OR2L13: variants seen among roughly 807,000 people sequenced by gnomAD.
The protein encoded by OR2L13 is olfactory receptor family 2 subfamily L member 13, also known as olfactory receptor 2L13.
Under a neutral mutation model 15.3 loss-of-function variants are expected in OR2L13, and 14 were observed. That is an observed-to-expected ratio of 0.91 (90% CI 0.60 to 1.43). The LOEUF (loss-of-function observed/expected upper bound fraction) is 1.43, where lower values mean the gene tolerates loss of function less well. Ranked by LOEUF, OR2L13 falls within the 40% of genes most tolerant of loss-of-function variation. The pLI, the probability that OR2L13 is intolerant of heterozygous loss-of-function variation, is 0.00. For synonymous variants in OR2L13, 152 were observed against 142.9 expected (o/e 1.06, Z -0.45); for missense variants, 367 against 387.9 (o/e 0.95, Z 0.45).
the OR2L13 span, among the ~76,000 whole-genome samples, chr1:247,968,348 TA>T: frequency 5.3e-5 from 8 of 152,232 alleles, no homozygotes; most frequent in African/African-American, 1.4e-4. Flanking sequence ...TTTATTTATT[TA>T]TTTTTTTTAG....
At chr1:248,027,412 T>C in the OR2L13 span, among the ~76,000 whole-genome samples, 1 of 152,218 alleles carries the variant, frequency 6.6e-6, no homozygotes, top group African/African-American at 2.4e-5. Flanking sequence ...TGATATTTTA[T>C]TACCTTGTGA....
chr1:247,957,982 A>C, the OR2L13 span, among the ~76,000 whole-genome samples: 1 of 151,910 alleles, frequency 6.6e-6, no homozygotes, highest in East Asian at 1.9e-4. Flanking sequence ...GCCTTCTGCT[A>C]GCTTTTGAAT....
chr1:248,016,937 A>G, the OR2L13 span, among the ~76,000 whole-genome samples: 1 of 152,112 alleles, frequency 6.6e-6, no homozygotes, highest in Non-Finnish European at 1.5e-5. Flanking sequence ...GATTAAATCT[A>G]ATGGAATTAT....
chr1:248,038,804 T>C, the OR2L13 span: 8 of 1,614,238 alleles, frequency 5.0e-6, no homozygotes, highest in East Asian at 8.9e-5. Flanking sequence ...TTTTCTGTGA[T>C]GTTCCAGCTA....
the OR2L13 span, among the ~76,000 whole-genome samples, chr1:247,985,704 G>C: frequency 6.6e-6 from 1 of 151,918 alleles, no homozygotes; most frequent in African/African-American, 2.4e-5. Context: ...CACAATGGTT[G>C]AACTAGTTTA....
At chr1:247,960,445 G>A in the OR2L13 span, among the ~76,000 whole-genome samples, 1 of 152,214 alleles carries the variant, frequency 6.6e-6, no homozygotes, top group African/African-American at 2.4e-5. Flanking sequence ...CATGCTGGGA[G>A]AACCACTACT....
the OR2L13 span, among the ~76,000 whole-genome samples, chr1:248,018,735 C>T: frequency 9.9e-5 from 15 of 152,138 alleles, no homozygotes; most frequent in Non-Finnish European, 1.8e-4. Flanking sequence ...CAACCATCAC[C>T]ACCATGCATC....
the OR2L13 span, chr1:247,949,179 G>A: frequency 2.5e-6 from 4 of 1,614,136 alleles, no homozygotes; most frequent in Non-Finnish European, 2.5e-6. Flanking sequence ...GGCATTAGGA[G>A]GTGCAGAAGC....
At chr1:248,049,289 C>G in the OR2L13 span, among the ~76,000 whole-genome samples, 1 of 152,178 alleles carries the variant, frequency 6.6e-6, no homozygotes, top group Non-Finnish European at 1.5e-5. Context: ...CTTCATCTCA[C>G]TTTCAACTCT....
At chr1:247,986,818 G>A in the OR2L13 span, among the ~76,000 whole-genome samples, 1 of 152,192 alleles carries the variant, frequency 6.6e-6, no homozygotes, top group Non-Finnish European at 1.5e-5. Flanking sequence ...TCCTTGTAGA[G>A]GTCCTTCACG....
the OR2L13 span, chr1:248,022,932 C>T: frequency 2.0e-6 from 3 of 1,468,340 alleles, no homozygotes; most frequent in East Asian, 4.6e-5. Flanking sequence ...CATATCAACT[C>T]AGCAGTGTAC....
chr1:248,084,445 CG>C, the OR2L13 span: 16 of 1,466,184 alleles, frequency 1.1e-5, no homozygotes, highest in Non-Finnish European at 1.3e-5. Flanking sequence ...TGGAGCCGGC[CG>C]GTCCCGGTGA....
the OR2L13 span, chr1:248,042,253 G>A: frequency 6.9e-4 from 100 of 145,462 alleles, no homozygotes; most frequent in East Asian, 1.4e-3. Flanking sequence ...ACTATCACAA[G>A]AACAAAAAAC....
the OR2L13 span, among the ~76,000 whole-genome samples, chr1:247,979,365 T>C: frequency 6.6e-6 from 1 of 152,024 alleles, no homozygotes; most frequent in Non-Finnish European, 1.5e-5. Flanking sequence ...CCTGTGTTCA[T>C]GTGTTCTCAT....
the OR2L13 span, among the ~76,000 whole-genome samples, chr1:247,993,762 G>GAGAGAGAGAGAGAGAGAGAGAGAGAGAGA: frequency 4.1e-4 from 22 of 53,666 alleles, 2 homozygotes; most frequent in East Asian, 6.4e-4. Flanking sequence ...AGAGAGAGGG[G>GAGAGAGAGAGAGAGAGAGAGAGAGAGAGA]GAGAGAGAGA....
chr1:248,018,160 T>C, the OR2L13 span, among the ~76,000 whole-genome samples: 2 of 144,172 alleles, frequency 1.4e-5, no homozygotes, highest in African/African-American at 5.2e-5. Context: ...CTCAAAAAAA[T>C]AAAAAAAAAA....
At chr1:248,025,799 G>C in the OR2L13 span, among the ~76,000 whole-genome samples, 7 of 151,974 alleles carry the variant, frequency 4.6e-5, no homozygotes, top group East Asian at 3.9e-4. Flanking sequence ...GTCCTTTGTA[G>C]GGACATGGGT....
At chr1:247,986,779 T>A in the OR2L13 span, among the ~76,000 whole-genome samples, 2 of 152,216 alleles carry the variant, frequency 1.3e-5, no homozygotes, top group Non-Finnish European at 2.9e-5. Context: ...GTATCCTCTT[T>A]CATTTCATTG....
the OR2L13 span, among the ~76,000 whole-genome samples, chr1:247,979,978 C>A: frequency 6.6e-6 from 1 of 151,988 alleles, no homozygotes; most frequent in Non-Finnish European, 1.5e-5. Flanking sequence ...CAAATTGTAA[C>A]CCATAAATTC....
Sources: allele counts gnomAD v4.1 joint callset (sites outside exome capture counted in the v4.1 genomes callset), GRCh38; gene constraint gnomAD v4.1.1; transcripts MANE v1.5; gene names NCBI Gene and HGNC (gene_info 2026-07-23, HGNC 2026-07-21).